The following MAGI2 variants were observed in gnomAD, a reference collection of about 807,000 sequenced individuals.
MAGI2 encodes the protein membrane-associated guanylate kinase, WW and PDZ domain-containing protein 2.
MAGI2 carries 35 observed loss-of-function variants against 133.3 expected under a neutral mutation model. The observed-to-expected ratio is 0.26, with a 90% CI of 0.20 to 0.35. The LOEUF is 0.35. Among genes scored for constraint, MAGI2 ranks in the 10% least tolerant of loss-of-function variants. The pLI is 1.00. For synonymous variants in MAGI2, 729 were observed against 710.6 expected, an observed-to-expected ratio of 1.03 and a Z score of -0.41; for missense variants, 1,636 against 1,863.4, an observed-to-expected ratio of 0.88 and a Z score of 2.25.
At chr7:78,404,990 C>G (rs1269029890) in intron 6 of MAGI2, among the ~76,000 whole-genome samples, 1 of 152,014 alleles carries the variant, frequency 6.6e-6, no homozygotes, top group Non-Finnish European at 1.5e-5. Context: ...TCAAACAACC[C>G]CATCAAGTTA....
chr7:78,163,142 G>GTTTT (rs1825252360), intron 15 of MAGI2, among the ~76,000 whole-genome samples: 3 of 151,950 alleles, frequency 2.0e-5, no homozygotes, highest in African/African-American at 7.3e-5. Flanking sequence ...TTGTTTGTTT[G>GTTTT]TTTGTTTTGT....
At chr7:78,150,265 G>A (rs1221976073) in intron 16 of MAGI2, among the ~76,000 whole-genome samples, 1 of 152,096 alleles carries the variant, frequency 6.6e-6, no homozygotes, top group Non-Finnish European at 1.5e-5. Context: ...GACTGGACAA[G>A]GGTGATAAAT....
At position 78,125,669 on chromosome 7, in the gene MAGI2, T is replaced by C. The variant is rs1026868555; in HGVS notation, c.3567+25A>G. 3.3e-6 allele frequency: 5 copies of C among 1,518,332 alleles called. No individual in the cohort carries two copies. In the African/African-American group the frequency reaches 7.0e-5, roughly 21 times the overall value. 94.1% of individuals were successfully genotyped at this position (1,518,332 alleles called of 1,614,324 possible). On this transcript the variant is annotated intron_variant, in intron 20 of 21. Coordinates refer to ENST00000354212, the MANE Select transcript of MAGI2 (RefSeq NM_012301.4). ...CGGTTTTTCTTTCAGAATTAAGCAA[T>C]TCTATAAAAAGAGACTGTTCTTACC...
chr7:78,082,863 A>G (rs1271537597), intron 20 of MAGI2, among the ~76,000 whole-genome samples: 4 of 152,184 alleles, frequency 2.6e-5, no homozygotes, highest in Non-Finnish European at 5.9e-5. Flanking sequence ...TCTTTGGAAC[A>G]GTATGAACTG....
At chr7:78,169,520 T>C (rs1825923134) in intron 14 of MAGI2, among the ~76,000 whole-genome samples, 2 of 48,054 alleles carry the variant, frequency 4.2e-5, no homozygotes, top group East Asian at 7.7e-4. Context: ...CCTGTTAACA[T>C]GATAGCCAGA....
At chr7:78,930,457 T>C (rs1800027599) in intron 2 of MAGI2, among the ~76,000 whole-genome samples, 1 of 152,090 alleles carries the variant, frequency 6.6e-6, no homozygotes, top group Non-Finnish European at 1.5e-5. Context: ...TGCAGTTCTG[T>C]CTTTTCTTCA....
intron 1 of MAGI2, among the ~76,000 whole-genome samples, chr7:79,420,031 C>T (rs1254454015): frequency 6.6e-6 from 1 of 152,032 alleles, no homozygotes; most frequent in Non-Finnish European, 1.5e-5. Flanking sequence ...GGATGTCTCA[C>T]TAGAACTAAA....
At chr7:78,742,354 A>G (rs997617080) in intron 2 of MAGI2, among the ~76,000 whole-genome samples, 2 of 152,092 alleles carry the variant, frequency 1.3e-5, no homozygotes, top group African/African-American at 4.8e-5. Flanking sequence ...AGAGAAACTG[A>G]TTCTTCTGTT....
chr7:78,497,952 T>C (rs1039141948), intron 5 of MAGI2, among the ~76,000 whole-genome samples: 6 of 152,184 alleles, frequency 3.9e-5, no homozygotes, highest in Non-Finnish European at 8.8e-5. Context: ...AAGTTTTTAC[T>C]GATGTCAGCA....
intron 1 of MAGI2, among the ~76,000 whole-genome samples, chr7:79,013,597 T>C (rs1275704175): frequency 6.6e-6 from 1 of 152,166 alleles, no homozygotes; most frequent in African/African-American, 2.4e-5. Context: ...GTTGATTGAT[T>C]CTGCTAAGAG....
chr7:78,636,458 T>C (rs2150977705), intron 2 of MAGI2, among the ~76,000 whole-genome samples: 1 of 151,990 alleles, frequency 6.6e-6, no homozygotes, highest in South Asian at 2.1e-4. Flanking sequence ...TTTTAACAGT[T>C]TGGATTGAGG....
At chr7:79,197,029 C>T (rs1236221292) in intron 1 of MAGI2, among the ~76,000 whole-genome samples, 2 of 151,888 alleles carry the variant, frequency 1.3e-5, no homozygotes, top group Non-Finnish European at 2.9e-5. Flanking sequence ...AATCTGCCTG[C>T]CTCAGTCTCC....
chr7:79,253,126 T>C (rs1188858298), intron 1 of MAGI2, among the ~76,000 whole-genome samples: 4 of 152,216 alleles, frequency 2.6e-5, no homozygotes, highest in Admixed American at 6.5e-5. Context: ...AAGTGAAGCA[T>C]ACAATTCGTA....
chr7:78,400,772 T>C (rs1796785228), intron 6 of MAGI2, among the ~76,000 whole-genome samples: 1 of 152,188 alleles, frequency 6.6e-6, no homozygotes, highest in South Asian at 2.1e-4. Context: ...AAATATTTTT[T>C]GGTAGGACGG....
In MAGI2 at chr7:78,194,978, G is replaced by C. The variant is rs1457451079; in HGVS notation, c.2165C>G (p.Ala722Gly). The change falls in exon 12 of 22, where the codon GCC becomes GGC. Residue 722 changes from alanine to glycine, a missense_variant. Transcript: ENST00000354212. ...GTCAGGAAAGGAGCTCCTGTGAAGG[G>C]CAGGTGGGAAGGGCAGGTTCTGCGG... Reference protein sequence around the residue: ...AIPQNLPFPPALHRSSFPDST... With the variant: ...AIPQNLPFPPGLHRSSFPDST... 1.4e-5 allele frequency: 22 copies of C among 1,614,110 alleles called. No homozygotes were observed. The highest frequency in any genetic ancestry group is 1.9e-5 in the Non-Finnish European group (22 of 1,179,960).
At chr7:78,702,646 C>A (rs1279932014) in intron 2 of MAGI2, among the ~76,000 whole-genome samples, 1 of 151,934 alleles carries the variant, frequency 6.6e-6, no homozygotes, top group Non-Finnish European at 1.5e-5. Context: ...TATTCCATTT[C>A]TTTCTTCTTT....
At chr7:78,436,073 A>G (rs1288231721) in intron 6 of MAGI2, among the ~76,000 whole-genome samples, 1 of 152,120 alleles carries the variant, frequency 6.6e-6, no homozygotes, top group Non-Finnish European at 1.5e-5. Context: ...CACACCCTGG[A>G]GGTTTCTTAT....
At chr7:78,751,423 A>T (rs1180722576) in intron 2 of MAGI2, among the ~76,000 whole-genome samples, 1 of 152,226 alleles carries the variant, frequency 6.6e-6, no homozygotes, top group East Asian at 1.9e-4. Context: ...CACGCTCAGC[A>T]AAAGGACGAC....
At chr7:78,051,390 G>A (rs1181480584) in intron 21 of MAGI2, among the ~76,000 whole-genome samples, 1 of 152,164 alleles carries the variant, frequency 6.6e-6, no homozygotes, top group Non-Finnish European at 1.5e-5. Context: ...TGAAGAAAAT[G>A]GAAGGAGCAA....
Sources: allele counts gnomAD v4.1 joint callset (sites outside exome capture counted in the v4.1 genomes callset), GRCh38; gene constraint gnomAD v4.1.1; transcripts MANE v1.5; gene names NCBI Gene and HGNC (gene_info 2026-07-23, HGNC 2026-07-21).